Variants in MAGI2 observed in about 807,000 individuals in gnomAD.
MAGI2 encodes the protein membrane-associated guanylate kinase, WW and PDZ domain-containing protein 2.
A neutral mutation model predicts 133.3 loss-of-function variants in MAGI2; 35 were observed. The observed-to-expected ratio is 0.26, with a 90% confidence interval of 0.20 to 0.35. MAGI2 has a LOEUF of 0.35. Among genes scored for constraint, MAGI2 ranks in the 10% least tolerant of loss-of-function variants. MAGI2 has a pLI of 1.00. For synonymous variants in MAGI2, 729 were observed against 710.6 expected, an observed-to-expected ratio of 1.03 and a Z score of -0.41; for missense variants, 1,636 against 1,863.4, an observed-to-expected ratio of 0.88 and a Z score of 2.25.
chr7:78,146,989 T>C (rs181752767), intron 16 of MAGI2, among the ~76,000 whole-genome samples: 1 of 152,320 alleles, frequency 6.6e-6, no homozygotes, highest in East Asian at 1.9e-4. Flanking sequence ...TCTTGCAATA[T>C]TTTCTTAATA....
intron 2 of MAGI2, among the ~76,000 whole-genome samples, chr7:78,709,082 T>G (rs1001633796): frequency 6.6e-6 from 1 of 152,126 alleles, no homozygotes; most frequent in African/African-American, 2.4e-5. Flanking sequence ...CTCTCCACAC[T>G]TCCAATGAAT....
intron 1 of MAGI2, among the ~76,000 whole-genome samples, chr7:79,093,717 T>TC (rs1213196004): frequency 2.1e-5 from 3 of 140,818 alleles, no homozygotes; most frequent in Non-Finnish European, 3.1e-5. Context: ...TTCTTTTCTT[T>TC]TTTTTTTTTT....
At chr7:79,366,320 G>A (rs899624207) in intron 1 of MAGI2, among the ~76,000 whole-genome samples, 4 of 151,992 alleles carry the variant, frequency 2.6e-5, no homozygotes, top group African/African-American at 4.8e-5. Flanking sequence ...CCATTTATAC[G>A]ACATTTTTGA....
intron 18 of MAGI2, among the ~76,000 whole-genome samples, chr7:78,129,935 C>CAAAAAAAAAAAAAA (rs61675652): frequency 1.8e-5 from 1 of 57,142 alleles, no homozygotes; most frequent in African/African-American, 7.0e-5. Flanking sequence ...AACTCCGCCT[C>CAAAAAAAAAAAAAA]AAAAAAAAAA....
chr7:78,655,825 T>C (rs1329334788), intron 2 of MAGI2, among the ~76,000 whole-genome samples: 5 of 151,082 alleles, frequency 3.3e-5, no homozygotes, highest in Non-Finnish European at 7.4e-5. Context: ...ACTAAAAATA[T>C]AAAAAATTAG....
At chr7:79,123,638 T>C (rs1820108647) in intron 1 of MAGI2, among the ~76,000 whole-genome samples, 1 of 151,542 alleles carries the variant, frequency 6.6e-6, no homozygotes, top group South Asian at 2.1e-4. Flanking sequence ...ATACAAAAAT[T>C]AGCCAGGCGT....
Position 79,048,962 on chromosome 7 carries a change from C to T in MAGI2, c.302-41756G>A, listed in dbSNP as rs1462757396. 2.6e-5 allele frequency among the ~76,000 whole-genome samples: 4 copies of T among 152,196 alleles called. No individual in the cohort carries two copies. The East Asian group carries it at 5.8e-4, about 22-fold the overall frequency. The stretch of plus-strand genomic sequence containing the variant: ...GTAGATTACCAAAATAAAATAATAA[C>T]ATTTTGCCAAACAAAAACAGTTTAA... On this transcript the variant is annotated intron_variant, in intron 1 of 21. Coordinates refer to ENST00000354212, the MANE Select transcript of MAGI2 (RefSeq NM_012301.4).
intron 1 of MAGI2, among the ~76,000 whole-genome samples, chr7:79,041,474 A>G (rs183992829): frequency 9.2e-5 from 14 of 152,302 alleles, no homozygotes; most frequent in African/African-American, 3.4e-4. Context: ...TTTAATAAAC[A>G]TAATATGATG....
chr7:78,472,511 G>C (rs766112674), intron 6 of MAGI2, among the ~76,000 whole-genome samples: 1 of 152,004 alleles, frequency 6.6e-6, no homozygotes, highest in Non-Finnish European at 1.5e-5. Flanking sequence ...AAAAATTTAA[G>C]GATTGCACAT....
At chr7:78,052,630 G>A (rs1253105356) in intron 21 of MAGI2, among the ~76,000 whole-genome samples, 3 of 152,174 alleles carry the variant, frequency 2.0e-5, no homozygotes, top group Non-Finnish European at 2.9e-5. Context: ...TATATCACAC[G>A]GCCCCTGCCA....
At chr7:78,885,462 A>G (rs1796189407) in intron 2 of MAGI2, among the ~76,000 whole-genome samples, 1 of 152,154 alleles carries the variant, frequency 6.6e-6, no homozygotes, top group Admixed American at 6.5e-5. Flanking sequence ...GAGGCTTTAT[A>G]CTGTGCTAAG....
intron 2 of MAGI2, among the ~76,000 whole-genome samples, chr7:78,964,172 A>C (rs916623797): frequency 5.3e-5 from 8 of 151,568 alleles, no homozygotes; most frequent in Admixed American, 4.0e-4. Flanking sequence ...TCTGTACTGT[A>C]ATAATACATT....
chr7:79,365,888 A>G (rs1435164102), intron 1 of MAGI2, among the ~76,000 whole-genome samples: 1 of 149,878 alleles, frequency 6.7e-6, no homozygotes, highest in African/African-American at 2.5e-5. Flanking sequence ...AAAAAAAAAA[A>G]AAGTAACAAA....
intron 3 of MAGI2, among the ~76,000 whole-genome samples, chr7:78,566,503 T>C (rs1012486864): frequency 1.4e-5 from 2 of 139,202 alleles, no homozygotes; most frequent in African/African-American, 5.4e-5. Flanking sequence ...TCCAGGATGA[T>C]GAAAGACAGG....
At chr7:79,287,900 CT>C (rs35757807) in intron 1 of MAGI2, among the ~76,000 whole-genome samples, 92,691 of 151,762 alleles carry the variant, frequency 0.61, 29,799 homozygotes, top group Non-Finnish European at 0.7. Flanking sequence ...CAATTTTAAT[CT>C]TTTTTCTGAT....
intron 6 of MAGI2, among the ~76,000 whole-genome samples, chr7:78,428,142 A>T (rs916062655): frequency 6.6e-6 from 1 of 152,206 alleles, no homozygotes; most frequent in African/African-American, 2.4e-5. Flanking sequence ...AATAATGGGT[A>T]CTTCAGGCGA....
chr7:79,173,410 C>G (rs1267514162), intron 1 of MAGI2, among the ~76,000 whole-genome samples: 2 of 152,018 alleles, frequency 1.3e-5, no homozygotes, highest in Non-Finnish European at 2.9e-5. Context: ...ACTGCAAACT[C>G]AAACTCCTGG....
chr7:79,419,044 T>G (rs1846752108), intron 1 of MAGI2, among the ~76,000 whole-genome samples: 1 of 152,030 alleles, frequency 6.6e-6, no homozygotes, highest in Non-Finnish European at 1.5e-5. Context: ...CACTTTTAGG[T>G]AAACCTATTA....
At chr7:78,933,769 A>T (rs71555012) in intron 2 of MAGI2, among the ~76,000 whole-genome samples, 1 of 152,130 alleles carries the variant, frequency 6.6e-6, no homozygotes, top group Admixed American at 6.6e-5. Context: ...TCATAAGAGA[A>T]CAATAAATCA....
Sources: allele counts gnomAD v4.1 joint callset (sites outside exome capture counted in the v4.1 genomes callset), GRCh38; gene constraint gnomAD v4.1.1; transcripts MANE v1.5; gene names NCBI Gene and HGNC (gene_info 2026-07-23, HGNC 2026-07-21).